The following SUPV3L1 variants were observed in gnomAD, a reference collection of about 807,000 sequenced individuals.
SUPV3L1 encodes ATP-dependent RNA helicase SUPV3L1, mitochondrial.
SUPV3L1 carries 35 observed loss-of-function variants against 70.0 expected under a neutral mutation model. That is an observed-to-expected ratio of 0.50 (90% CI 0.38 to 0.66). The LOEUF is 0.66. Among genes scored for constraint, SUPV3L1 ranks in the 30% least tolerant of loss-of-function variants. SUPV3L1 has a pLI of 0.00. For synonymous variants in SUPV3L1, 364 were observed against 341.9 expected, an observed-to-expected ratio of 1.06 and a Z score of -0.71; for missense variants, 777 against 961.5, an observed-to-expected ratio of 0.81 and a Z score of 2.54.
intron 7 of SUPV3L1, among the ~76,000 whole-genome samples, chr10:69,195,719 C>T (rs138620228): frequency 1.2e-4 from 19 of 152,132 alleles, no homozygotes; most frequent in Middle Eastern, 3.4e-3. Context: ...TTACTAATAA[C>T]GCTGCAGTAA....
chr10:69,193,648 A>C (rs1842461259), intron 6 of SUPV3L1, among the ~76,000 whole-genome samples: 3 of 152,060 alleles, frequency 2.0e-5, no homozygotes, highest in Admixed American at 2.0e-4. Flanking sequence ...GGGCTCAAGC[A>C]GTCCGCCTCG....
intron 5 of SUPV3L1, among the ~76,000 whole-genome samples, chr10:69,190,110 CTT>C (rs1842353983): frequency 6.6e-6 from 1 of 152,182 alleles, no homozygotes; most frequent in Admixed American, 6.5e-5. Context: ...CTCATCATAT[CTT>C]TACATTTTAT....
intron 6 of SUPV3L1, chr10:69,192,425 C>T (rs768315163): frequency 4.6e-5 from 7 of 152,096 alleles, no homozygotes; most frequent in Admixed American, 2.0e-4. Flanking sequence ...ATCACTGATA[C>T]GTATTACCAG....
intron 13 of SUPV3L1, among the ~76,000 whole-genome samples, chr10:69,204,437 A>G (rs1842767909): frequency 6.6e-6 from 1 of 152,142 alleles, no homozygotes; most frequent in Non-Finnish European, 1.5e-5. Context: ...AATAACATAA[A>G]TAGTCCAGTG....
At chr10:69,183,369 C>T (rs1842120664) in intron 1 of SUPV3L1, among the ~76,000 whole-genome samples, 1 of 152,112 alleles carries the variant, frequency 6.6e-6, no homozygotes, top group South Asian at 2.1e-4. Flanking sequence ...TCTCTACCTG[C>T]AGTCAGAATG....
chr10:69,188,579 A>G (rs1001570930), intron 4 of SUPV3L1, among the ~76,000 whole-genome samples: 6 of 151,976 alleles, frequency 3.9e-5, no homozygotes, highest in African/African-American at 1.5e-4. Context: ...GCTCACTGCA[A>G]CCTGCACCTC....
intron 1 of SUPV3L1, among the ~76,000 whole-genome samples, chr10:69,180,814 A>G (rs1273518127): frequency 6.6e-6 from 1 of 152,162 alleles, no homozygotes; most frequent in Non-Finnish European, 1.5e-5. Context: ...TGAATGGTTT[A>G]GACACTCATG....
rs1316667181 is a variant in SUPV3L1 at position 69,198,430 on chromosome 10, T to C, written c.1082T>C (p.Leu361Ser). ...GTGCTGGACCATGCACTAGAATCTT[T>C]AGATAACCTTCGGCCTGGGGACTGC... ...ISVLDHALES[L>S]DNLRPGDCIV... is the part of the protein sequence containing the mutation. Residue 361 changes from leucine (L) to serine (S), a missense_variant, in exon 9 of 15, where the codon TTA (leucine) becomes TCA (serine). By Grantham distance (145) the Leu-to-Ser change is moderately radical. Around this residue, in one of 2 missense-constraint regions of SUPV3L1, gnomAD observed 619 missense variants for 823.3 expected, o/e 0.75. Coordinates refer to ENST00000359655, the MANE Select transcript of SUPV3L1 (RefSeq NM_003171.5). 6 of 1,613,942 alleles carry C rather than the reference T, an allele frequency of 3.7e-6. No homozygotes were observed. Among genetic ancestry groups the C allele is most frequent in the African/African-American group, 1.3e-5 (1 of 74,944 alleles).
intron 1 of SUPV3L1, among the ~76,000 whole-genome samples, chr10:69,183,717 TA>T (rs1431278747): frequency 6.6e-6 from 1 of 152,090 alleles, no homozygotes; most frequent in African/African-American, 2.4e-5. Flanking sequence ...TTAATTTACA[TA>T]CTAGAAAGCT....
intron 1 of SUPV3L1, among the ~76,000 whole-genome samples, chr10:69,184,222 C>T (rs1489967023): frequency 2.0e-5 from 3 of 151,946 alleles, no homozygotes; most frequent in Non-Finnish European, 4.4e-5. Flanking sequence ...ATTGGTTTTT[C>T]TACCCTTGAT....
intron 6 of SUPV3L1, chr10:69,193,144 G>A (rs549599712): frequency 2.0e-5 from 3 of 152,028 alleles, no homozygotes; most frequent in Non-Finnish European, 4.4e-5. Context: ...CCACCTATCC[G>A]GAATCAATAG....
At chr10:69,201,885 G>C (rs972825408) in intron 11 of SUPV3L1, among the ~76,000 whole-genome samples, 4 of 140,096 alleles carry the variant, frequency 2.9e-5, no homozygotes, top group Non-Finnish European at 4.5e-5. Context: ...TCTGTCGCCA[G>C]GCTGGAGTGC....
chr10:69,202,887 A>G lies in SUPV3L1; in HGVS notation c.1620A>G (p.Ser540=). ...SNLIDIFVDF[S]QVDGQYFVCN... ...CCAAGGATATTTTTGTAGACTTTTC[A>G]CAAGTTGATGGGCAGTATTTTGTCT... Residue 540 remains serine (S), a synonymous_variant, in exon 13 of 15, where the codon TCA becomes TCG. Coordinates refer to ENST00000359655, the MANE Select transcript of SUPV3L1 (RefSeq NM_003171.5). 6.2e-7 allele frequency: 1 copy of G among 1,612,322 alleles called. No individual in the cohort carries two copies. The highest frequency in any genetic ancestry group is 8.5e-7 in the Non-Finnish European group (1 of 1,179,230).
intron 8 of SUPV3L1, among the ~76,000 whole-genome samples, 160 bp downstream of exon 8, chr10:69,197,243 C>T (rs1842567551): frequency 6.6e-6 from 1 of 152,178 alleles, no homozygotes; most frequent in Admixed American, 6.5e-5. Context: ...TTTGATTGAA[C>T]CTCATGATCT....
chr10:69,182,353 G>T (rs1027123196), intron 1 of SUPV3L1, among the ~76,000 whole-genome samples: 2 of 152,010 alleles, frequency 1.3e-5, no homozygotes, highest in African/African-American at 4.8e-5. Context: ...ACATTGTCGC[G>T]AAATAGATGA....
chr10:69,195,144 A>G (rs1280748057), intron 6 of SUPV3L1, 44 bp from the exon 7 acceptor site: 2 of 1,495,468 alleles, frequency 1.3e-6, no homozygotes, highest in Non-Finnish European at 1.8e-6. Flanking sequence ...TTATAATACT[A>G]TTTAAGTAGA....
chr10:69,203,086 A>G (rs756560440), intron 13 of SUPV3L1, 43 bp downstream of exon 13: 1 of 1,554,428 alleles, frequency 6.4e-7, no homozygotes, highest in Non-Finnish European at 8.7e-7. Context: ...CTTCTGGTTG[A>G]TGCAGGTTCC....
chr10:69,193,226 T>C (rs1842443825), intron 6 of SUPV3L1: 1 of 150,068 alleles, frequency 6.7e-6, no homozygotes, highest in Non-Finnish European at 1.5e-5. Flanking sequence ...CATATAGTTA[T>C]ATGTGCATGG....
chr10:69,195,094 G>C, intron 6 of SUPV3L1, 94 bp from the exon 7 acceptor site: 1 of 904,746 alleles, frequency 1.1e-6, no homozygotes, highest in Non-Finnish European at 1.7e-6. Flanking sequence ...GATGGTGGTA[G>C]TGGTGATGGT....
Sources: allele counts gnomAD v4.1 joint callset (sites outside exome capture counted in the v4.1 genomes callset), GRCh38; gene constraint gnomAD v4.1.1; regional missense constraint gnomAD v4.1.1; transcripts MANE v1.5; gene names NCBI Gene and HGNC (gene_info 2026-07-23, HGNC 2026-07-21).